Variants in CSMD1 observed in about 807,000 individuals in gnomAD.
CSMD1 encodes the protein CUB and Sushi multiple domains 1, also known as CUB and sushi domain-containing protein 1.
Under a neutral mutation model 417.5 loss-of-function variants are expected in CSMD1, and 213 were observed. The observed-to-expected ratio is 0.51, with a 90% CI of 0.46 to 0.57. CSMD1 has a LOEUF of 0.57. CSMD1 is among the 20% of genes least tolerant of loss of function. CSMD1 has a pLI of 0.00. For synonymous variants in CSMD1, 2,862 were observed against 1,736.8 expected (o/e 1.65, Z -16.11); for missense variants, 6,923 against 4,529.7 (o/e 1.53, Z -15.17).
intron 2 of CSMD1, among the ~76,000 whole-genome samples, chr8:4,588,399 G>C (rs566993391): frequency 1.2e-5 from 1 of 83,244 alleles, no homozygotes; most frequent in Admixed American, 1.3e-4. Flanking sequence ...ATCTCATAAA[G>C]ACAGAGATAA....
chr8:3,390,807 T>C (rs1409180124), intron 17 of CSMD1, among the ~76,000 whole-genome samples: 1 of 152,124 alleles, frequency 6.6e-6, no homozygotes. Context: ...GAATCAACAG[T>C]CTTTATAAAA....
chr8:3,883,140 C>G (rs769291261), intron 5 of CSMD1, among the ~76,000 whole-genome samples: 2 of 152,160 alleles, frequency 1.3e-5, no homozygotes, highest in Non-Finnish European at 2.9e-5. Context: ...ATAACCACAT[C>G]ATACTTGCAA....
intron 3 of CSMD1, among the ~76,000 whole-genome samples, chr8:4,167,402 A>G (rs184440084): frequency 9.5e-4 from 145 of 152,318 alleles, no homozygotes; most frequent in Admixed American, 4.2e-3. Context: ...TTCATAGGCT[A>G]AAGTGTTCAT....
intron 52 of CSMD1, among the ~76,000 whole-genome samples, chr8:3,002,787 C>G (rs1807525752): frequency 6.6e-6 from 1 of 152,184 alleles, no homozygotes; most frequent in Non-Finnish European, 1.5e-5. Flanking sequence ...AATCAGGCAG[C>G]AAGCCTGACA....
intron 7 of CSMD1, among the ~76,000 whole-genome samples, chr8:3,649,018 T>A (rs1457908640): frequency 2.0e-5 from 3 of 152,160 alleles, no homozygotes; most frequent in African/African-American, 7.2e-5. Flanking sequence ...GTATGTACTG[T>A]CCAAGGTCAC....
chr8:4,960,121 T>C (rs1809380921), intron 1 of CSMD1, among the ~76,000 whole-genome samples: 1 of 152,210 alleles, frequency 6.6e-6, no homozygotes, highest in Admixed American at 6.6e-5. Context: ...AGGAGGGATA[T>C]AATGTGCTCA....
intron 1 of CSMD1, among the ~76,000 whole-genome samples, chr8:4,692,424 T>A (rs1401516224): frequency 6.6e-6 from 1 of 152,168 alleles, no homozygotes; most frequent in African/African-American, 2.4e-5. Flanking sequence ...GTGGCCAGGA[T>A]TTTTAAAGAG....
rs1563178060 is a variant in CSMD1, at chr8:3,886,026, CAT to C, written c.818+111875_818+111876del. ...ACATATATATGTGTACATATATATACATACATATATATATATACAGACACATT... is the reference window on the plus strand; with the variant it reads ...ACATATATATGTGTACATATATATACACATATATATATATACAGACACATT... On this transcript the variant is annotated intron_variant, in intron 5 of 69. Transcript: ENST00000635120. Among the ~76,000 whole-genome samples the C allele has an allele frequency of 5.3e-5, 8 of 151,544 alleles. No individual in the cohort carries two copies. In the East Asian group the frequency reaches 7.7e-4, roughly 15 times the overall value.
intron 7 of CSMD1, among the ~76,000 whole-genome samples, chr8:3,668,379 T>A (rs1373161503): frequency 1.3e-5 from 2 of 152,032 alleles, no homozygotes; most frequent in East Asian, 1.9e-4. Context: ...CAGACCCAAA[T>A]TCTGTTTTAA....
intron 1 of CSMD1, among the ~76,000 whole-genome samples, chr8:4,898,999 G>T (rs777659995): frequency 6.6e-6 from 1 of 151,972 alleles, no homozygotes; most frequent in Non-Finnish European, 1.5e-5. Flanking sequence ...CTTAAAAATA[G>T]AAAAGTGAGA....
intron 2 of CSMD1, among the ~76,000 whole-genome samples, chr8:4,584,329 G>A (rs1585287433): frequency 6.6e-6 from 1 of 151,990 alleles, no homozygotes. Flanking sequence ...GCCGAGTAGT[G>A]AGACAATCGC....
At chr8:4,426,923 A>G (rs1351950213) in intron 2 of CSMD1, among the ~76,000 whole-genome samples, 1 of 151,912 alleles carries the variant, frequency 6.6e-6, no homozygotes, top group African/African-American at 2.4e-5. Flanking sequence ...TATTTTATAT[A>G]GAAGAGAAAT....
chr8:3,504,878 G>A (rs1408332859), intron 10 of CSMD1, among the ~76,000 whole-genome samples: 2 of 152,106 alleles, frequency 1.3e-5, no homozygotes, highest in Non-Finnish European at 2.9e-5. Context: ...GGCAAATGTG[G>A]CAAGGAAAAT....
At chr8:3,943,747 A>G (rs1298671668) in intron 5 of CSMD1, among the ~76,000 whole-genome samples, 3 of 152,118 alleles carry the variant, frequency 2.0e-5, no homozygotes, top group Admixed American at 6.6e-5. Flanking sequence ...CCTGAATCTA[A>G]TCACAAAGAA....
At chr8:4,911,334 A>G (rs1805657273) in intron 1 of CSMD1, among the ~76,000 whole-genome samples, 1 of 152,210 alleles carries the variant, frequency 6.6e-6, no homozygotes, top group African/African-American at 2.4e-5. Context: ...ACCAATATGC[A>G]GATGAAAGAC....
chr8:3,889,503 C>T (rs1306402655), intron 5 of CSMD1, among the ~76,000 whole-genome samples: 2 of 100,528 alleles, frequency 2.0e-5, no homozygotes, highest in South Asian at 3.5e-4. Flanking sequence ...AAAATATGCT[C>T]ATTAGGTCAT....
chr8:4,629,595 T>C (rs573827213), intron 2 of CSMD1, among the ~76,000 whole-genome samples: 47 of 152,308 alleles, frequency 3.1e-4, no homozygotes, highest in African/African-American at 1.1e-3. Flanking sequence ...TTTTAGGAAG[T>C]CCAATTTTTC....
At chr8:4,333,351 C>T (rs1335108522) in intron 3 of CSMD1, among the ~76,000 whole-genome samples, 4 of 152,082 alleles carry the variant, frequency 2.6e-5, no homozygotes, top group Non-Finnish European at 4.4e-5. Flanking sequence ...AAAGGGCGAG[C>T]GCAGGGTTAC....
chr8:3,564,051 C>G (rs539398758), intron 10 of CSMD1, among the ~76,000 whole-genome samples: 1 of 152,022 alleles, frequency 6.6e-6, no homozygotes, highest in East Asian at 1.9e-4. Flanking sequence ...TTTGGGGGTA[C>G]ACGTGATATT....
Sources: allele counts gnomAD v4.1 joint callset (sites outside exome capture counted in the v4.1 genomes callset), GRCh38; gene constraint gnomAD v4.1.1; transcripts MANE v1.5; gene names NCBI Gene and HGNC (gene_info 2026-07-23, HGNC 2026-07-21).